Variants in SAE1 observed in about 807,000 individuals in gnomAD.
The protein encoded by SAE1 is SUMO-activating enzyme subunit 1.
A neutral mutation model predicts 40.6 loss-of-function variants in SAE1; 11 were observed. That is an observed-to-expected ratio of 0.27 (90% CI 0.17 to 0.45). The LOEUF (loss-of-function observed/expected upper bound fraction) is 0.45, where lower values mean the gene tolerates loss of function less well. SAE1 is among the 20% of genes least tolerant of loss of function. The probability of loss-of-function intolerance (pLI) is 1.00; values close to 1 mark genes in which losing one functional copy is unlikely to be tolerated. For synonymous variants in SAE1, 155 were observed against 154.3 expected, an observed-to-expected ratio of 1.00 and a Z score of -0.03; for missense variants, 373 against 427.3, an observed-to-expected ratio of 0.87 and a Z score of 1.12.
At chr19:47,172,782 GAAAAGAAAAA>G in intron 6 of SAE1, among the ~76,000 whole-genome samples, 1 of 150,614 alleles carries the variant, frequency 6.6e-6, no homozygotes, top group Non-Finnish European at 1.5e-5. Flanking sequence ...AAAAAAAAGA[GAAAAGAAAAA>G]AAGCACATAT....
At position 47,209,507 on chromosome 19, in the gene SAE1, C is replaced by A; in HGVS notation, c.*256C>A. 1.7e-6 allele frequency: 1 copy of A among 591,416 alleles called. No homozygotes were observed. Among genetic ancestry groups the A allele is most frequent in the Non-Finnish European group, 3.0e-6 (1 of 337,178 alleles). The allele number at this position is 591,416 out of a possible 1,614,324, so 36.6% of individuals were successfully genotyped here. A position where few individuals can be genotyped will look rare whatever the true frequency, so the allele number is the denominator to read the frequency against. On this transcript the variant is annotated 3_prime_UTR_variant, in exon 9 of 9. Transcript: ENST00000270225. ...CTGTCATCCCGGGCCTGCCAGCTCC[C>A]CTGAGTGATGAGCACTTCCAAGCAC... is the stretch of plus-strand genomic sequence containing the variant.
At chr19:47,188,328 TGACAGACTGAGGC>T (rs1272632132) in intron 6 of SAE1, among the ~76,000 whole-genome samples, 1 of 149,584 alleles carries the variant, frequency 6.7e-6, no homozygotes, top group Admixed American at 6.7e-5. Flanking sequence ...CCAGCCTGGG[TGACAGACTGAGGC>T]CATGTCTCAA....
chr19:47,197,178 C>T (rs2058621302), intron 6 of SAE1, 55 bp from the exon 7 acceptor site: 1 of 1,522,150 alleles, frequency 6.6e-7, no homozygotes, highest in Non-Finnish European at 8.9e-7. Flanking sequence ...GAGCCTCCAT[C>T]TCCAAAAAAA....
At chr19:47,198,181 C>T (rs1182257364) in intron 7 of SAE1, among the ~76,000 whole-genome samples, 1 of 152,038 alleles carries the variant, frequency 6.6e-6, no homozygotes, top group Non-Finnish European at 1.5e-5. Context: ...ACAATCTCAA[C>T]TCACCGCAAC....
At chr19:47,175,723 C>T (rs749849943) in intron 6 of SAE1, among the ~76,000 whole-genome samples, 16 of 152,128 alleles carry the variant, frequency 1.1e-4, no homozygotes, top group African/African-American at 1.7e-4. Context: ...GGCAACAGAA[C>T]GAGACTCTGT....
chr19:47,182,430 T>A (rs138532513), intron 6 of SAE1, among the ~76,000 whole-genome samples: 1 of 151,270 alleles, frequency 6.6e-6, no homozygotes, highest in African/African-American at 2.4e-5. Flanking sequence ...CACAGATGTT[T>A]AAAAATAATT....
At chr19:47,196,509 A>G (rs954588519) in intron 6 of SAE1, among the ~76,000 whole-genome samples, 3 of 150,502 alleles carry the variant, frequency 2.0e-5, no homozygotes, top group Admixed American at 1.3e-4. Flanking sequence ...GACTACAGGC[A>G]CGTGTCACCA....
At chr19:47,196,920 C>T (rs545048841) in intron 6 of SAE1, among the ~76,000 whole-genome samples, 7 of 152,098 alleles carry the variant, frequency 4.6e-5, no homozygotes, top group Admixed American at 3.9e-4. Flanking sequence ...CCGTGGCTCA[C>T]ACCTGTAATC....
At chr19:47,143,421 G>A (rs893558544) in intron 1 of SAE1, 73 bp from the exon 2 acceptor site, 5 of 1,254,538 alleles carry the variant, frequency 4.0e-6, no homozygotes, top group African/African-American at 2.9e-5. Flanking sequence ...AATGATTTGT[G>A]TATTTTTTGT....
intron 1 of SAE1, among the ~76,000 whole-genome samples, chr19:47,131,862 G>A (rs1484568218): frequency 1.3e-5 from 2 of 151,556 alleles, no homozygotes; most frequent in East Asian, 1.9e-4. Flanking sequence ...CAGCACGCCC[G>A]GCTAATTTTT....
rs755382652 is a variant in SAE1 at position 47,188,259 on chromosome 19, G to A, written c.734-8974G>A. 8.3e-4 allele frequency among the ~76,000 whole-genome samples: 126 copies of A among 152,204 alleles called. 3 individuals are homozygous for A. Among genetic ancestry groups the A allele is most frequent in the Non-Finnish European group, 2.1e-4 (14 of 67,988 alleles). ...CCAGCTATTTGGGAGGCTGAGGCAGGAGGATCACTTGAGTTCAGGAGGTCC... is the reference window on the plus strand; with the variant it reads ...CCAGCTATTTGGGAGGCTGAGGCAGAAGGATCACTTGAGTTCAGGAGGTCC... On this transcript the variant is annotated intron_variant, in intron 6 of 8. Transcript: ENST00000270225.
rs150637960 is a variant in SAE1 at position 47,199,865 on chromosome 19, A to G, written c.878+2488A>G. The stretch of plus-strand genomic sequence containing the variant: ...AGATCCAAGCCTGTACAGTGTCATC[A>G]GCCGCTGACCTCACGGTGCTGATGT... On this transcript the variant is annotated intron_variant, in intron 7 of 8. Coordinates refer to ENST00000270225, the MANE Select transcript of SAE1 (RefSeq NM_005500.3). 1.1e-3 allele frequency among the ~76,000 whole-genome samples: 170 copies of G among 152,074 alleles called. 3 individuals carry two copies. In the South Asian group the frequency reaches 0.02, roughly 18 times the overall value.
intron 4 of SAE1, 87 bp from the exon 5 acceptor site, chr19:47,155,027 C>T (rs576606416): frequency 7.3e-6 from 6 of 824,512 alleles, no homozygotes; most frequent in African/African-American, 5.1e-5. Flanking sequence ...ACCACCATCC[C>T]GATCTGTGAC....
intron 6 of SAE1, among the ~76,000 whole-genome samples, chr19:47,196,039 C>T (rs2058612359): frequency 1.4e-5 from 2 of 148,070 alleles, no homozygotes; most frequent in South Asian, 2.1e-4. Context: ...CTGCCTCTTC[C>T]GGGTCTTTTT....
At chr19:47,191,115 A>AAGTAGGATG (rs1267329456) in intron 6 of SAE1, among the ~76,000 whole-genome samples, 1 of 152,170 alleles carries the variant, frequency 6.6e-6, no homozygotes. Flanking sequence ...CTGATCTGTA[A>AAGTAGGATG]AGTAGGATGG....
intron 6 of SAE1, among the ~76,000 whole-genome samples, chr19:47,180,517 G>T (rs560743229): frequency 6.6e-6 from 1 of 152,204 alleles, no homozygotes; most frequent in Non-Finnish European, 1.5e-5. Flanking sequence ...CGGTGAAACA[G>T]TGTAGATGTT....
At chr19:47,147,596 G>T (rs2058262270) in intron 2 of SAE1, among the ~76,000 whole-genome samples, 1 of 151,022 alleles carries the variant, frequency 6.6e-6, no homozygotes, top group African/African-American at 2.4e-5. Context: ...AGGATTACAG[G>T]CGTGTGCCAC....
intron 5 of SAE1, among the ~76,000 whole-genome samples, chr19:47,160,118 C>A (rs958562368): frequency 6.6e-6 from 1 of 151,806 alleles, no homozygotes; most frequent in African/African-American, 2.4e-5. Context: ...GAACAGAATA[C>A]CAAAGAAGAC....
intron 1 of SAE1, among the ~76,000 whole-genome samples, chr19:47,137,970 C>T (rs1221742416): frequency 6.6e-6 from 1 of 152,114 alleles, no homozygotes; most frequent in African/African-American, 2.4e-5. Flanking sequence ...TTCAAGTGAT[C>T]TGCCCACCTC....
Sources: allele counts gnomAD v4.1 joint callset (sites outside exome capture counted in the v4.1 genomes callset), GRCh38; gene constraint gnomAD v4.1.1; transcripts MANE v1.5; gene names NCBI Gene and HGNC (gene_info 2026-07-23, HGNC 2026-07-21).